The following TBCK variants were observed in gnomAD, a reference collection of about 807,000 sequenced individuals.
The protein encoded by TBCK is TBC domain-containing protein kinase-like protein.
In TBCK, 99 loss-of-function variants were observed where a neutral mutation model predicts 113.4. The ratio of observed to expected loss-of-function variants is 0.87; its 90% CI spans 0.74 to 1.03. The LOEUF (loss-of-function observed/expected upper bound fraction) is 1.03. TBCK is among the 50% of genes least tolerant of loss of function. TBCK has a pLI of 0.00. For synonymous variants in TBCK, 369 were observed against 370.8 expected (o/e 1.00, Z 0.05); for missense variants, 1,045 against 1,061.3 (o/e 0.98, Z 0.21).
intron 15 of TBCK, 101 bp downstream of exon 15, chr4:106,235,168 A>G (rs577951346): frequency 1.7e-4 from 116 of 691,264 alleles, no homozygotes; most frequent in Non-Finnish European, 2.0e-4. Flanking sequence ...TTACTATATA[A>G]TTTTCTAATA....
intron 22 of TBCK, among the ~76,000 whole-genome samples, chr4:106,179,788 T>C (rs1752118062): frequency 6.6e-6 from 1 of 151,246 alleles, no homozygotes; most frequent in Non-Finnish European, 1.5e-5. Flanking sequence ...CTCCAGTGTT[T>C]CTGTGTTGAC....
At chr4:106,308,659 T>G in intron 2 of TBCK, 109 bp downstream of exon 2, 1 of 962,198 alleles carries the variant, frequency 1.0e-6, no homozygotes, top group East Asian at 2.6e-5. Context: ...AAGAAGGACA[T>G]GTGTGCACTG....
At chr4:106,148,992 G>A (rs1211148535) in intron 23 of TBCK, among the ~76,000 whole-genome samples, 3 of 152,172 alleles carry the variant, frequency 2.0e-5, no homozygotes, top group Non-Finnish European at 2.9e-5. Context: ...TTCTCCACCA[G>A]TACTTGCTGC....
chr4:106,168,516 AAG>A (rs1395726115), intron 23 of TBCK, among the ~76,000 whole-genome samples: 1 of 151,972 alleles, frequency 6.6e-6, no homozygotes, highest in Non-Finnish European at 1.5e-5. Context: ...CAAAGAAAAT[AAG>A]AGGTGTACTA....
At chr4:106,077,994 G>C (rs1738412957) in intron 25 of TBCK, among the ~76,000 whole-genome samples, 1 of 152,090 alleles carries the variant, frequency 6.6e-6, no homozygotes, top group Admixed American at 6.5e-5. Flanking sequence ...TCAATACTAA[G>C]ATCTATTAAA....
At chr4:106,054,811 G>T (rs997759857) in intron 25 of TBCK, among the ~76,000 whole-genome samples, 1 of 151,672 alleles carries the variant, frequency 6.6e-6, no homozygotes, top group Admixed American at 6.6e-5. Context: ...AGAGCAAATA[G>T]TAAGGAATCT....
intron 19 of TBCK, 62 bp from the exon 20 acceptor site, chr4:106,212,897 C>A: frequency 1.0e-6 from 1 of 999,680 alleles, no homozygotes; most frequent in South Asian, 1.4e-5. Flanking sequence ...ACATTATATT[C>A]AAATATAGTT....
At chr4:106,058,867 G>A (rs987585949) in intron 25 of TBCK, among the ~76,000 whole-genome samples, 3 of 151,668 alleles carry the variant, frequency 2.0e-5, no homozygotes, top group African/African-American at 4.8e-5. Flanking sequence ...TTGCAGGCAG[G>A]AACAGTGGGG....
chr4:106,171,354 ATATATC>A, intron 22 of TBCK, 84 bp from the exon 23 acceptor site: 3 of 949,798 alleles, frequency 3.2e-6, no homozygotes, highest in Non-Finnish European at 4.8e-6. Context: ...TCCTAAGTGA[ATATATC>A]TAAATATGGC....
At chr4:106,048,015 A>G (rs1734405179) in intron 25 of TBCK, among the ~76,000 whole-genome samples, 1 of 152,104 alleles carries the variant, frequency 6.6e-6, no homozygotes, top group African/African-American at 2.4e-5. Context: ...TCAAGGCAGC[A>G]ATCTAAACTT....
chr4:106,257,356 A>G (rs1270990293), intron 5 of TBCK, among the ~76,000 whole-genome samples: 3 of 152,170 alleles, frequency 2.0e-5, no homozygotes, highest in Non-Finnish European at 2.9e-5. Context: ...GTATTTAAAT[A>G]TATGTATCAT....
intron 3 of TBCK, among the ~76,000 whole-genome samples, chr4:106,274,907 G>A (rs1030508578): frequency 6.6e-6 from 1 of 152,126 alleles, no homozygotes; most frequent in African/African-American, 2.4e-5. Flanking sequence ...CAAGGTGAGA[G>A]GATCACTTGA....
intron 19 of TBCK, among the ~76,000 whole-genome samples, chr4:106,216,439 G>A (rs1170941608): frequency 5.9e-5 from 9 of 152,082 alleles, no homozygotes; most frequent in Non-Finnish European, 1.0e-4. Context: ...CTGGTTTTCT[G>A]AAAGGATCAA....
chr4:106,142,244 T>G lies in TBCK; in HGVS notation c.2236-25866A>C, dbSNP rs148335804. Among the ~76,000 whole-genome samples the G allele has an allele frequency of 9.2e-4, 140 of 152,276 alleles. 1 individual carries two copies. The highest frequency in any genetic ancestry group is 8.6e-3 in the Admixed American group (131 of 15,294). ...TCAGATAGATGTATTTTGGAAAAAC[T>G]TCAGTTTAGCAGGGTTTTTAAGTTG... On this transcript the variant is annotated intron_variant, in intron 23 of 25. Transcript: ENST00000394708.
intron 25 of TBCK, among the ~76,000 whole-genome samples, chr4:106,067,018 T>G (rs1736727608): frequency 6.6e-6 from 1 of 152,150 alleles, no homozygotes; most frequent in African/African-American, 2.4e-5. Context: ...CAATTCTTTT[T>G]GGTAAGCATC....
intron 22 of TBCK, among the ~76,000 whole-genome samples, chr4:106,188,084 TG>T (rs1753238810): frequency 6.6e-6 from 1 of 152,154 alleles, no homozygotes; most frequent in African/African-American, 2.4e-5. Context: ...TCCAGTACTA[TG>T]TGGAATAGGA....
chr4:106,309,382 C>T (rs1007654429), intron 1 of TBCK, among the ~76,000 whole-genome samples: 3 of 146,208 alleles, frequency 2.1e-5, no homozygotes, highest in Non-Finnish European at 4.5e-5. Flanking sequence ...GTGTGATCTC[C>T]GCGCACTGCA....
At chr4:106,048,423 T>C (rs983395376) in intron 25 of TBCK, among the ~76,000 whole-genome samples, 2 of 152,096 alleles carry the variant, frequency 1.3e-5, no homozygotes, top group African/African-American at 4.8e-5. Context: ...TAGTAACTAA[T>C]GTTGAAGAGA....
chr4:106,168,515 T>G (rs946413584), intron 23 of TBCK, among the ~76,000 whole-genome samples: 39 of 151,720 alleles, frequency 2.6e-4, no homozygotes, highest in African/African-American at 8.7e-4. Flanking sequence ...ACAAAGAAAA[T>G]AAGAGGTGTA....
Sources: gnomAD v4.1 joint callset for allele counts (sites outside exome capture counted in the v4.1 genomes callset) on GRCh38, gnomAD v4.1.1 for gene constraint, MANE v1.5 for transcripts, NCBI Gene and HGNC (gene_info 2026-07-23, HGNC 2026-07-21) for gene names.